The following MGAT4C variants were observed in gnomAD, a reference collection of about 807,000 sequenced individuals.
MGAT4C encodes alpha-1,3-mannosyl-glycoprotein 4-beta-N-acetylglucosaminyltransferase C.
MGAT4C carries 19 observed loss-of-function variants against 40.1 expected under a neutral mutation model. The observed-to-expected ratio is 0.47, with a 90% CI of 0.33 to 0.70. The LOEUF (loss-of-function observed/expected upper bound fraction) is 0.70, where lower values mean the gene tolerates loss of function less well. Ranked by LOEUF, MGAT4C falls within the 30% of genes least tolerant of loss-of-function variation. MGAT4C has a pLI of 0.02. For missense variants in MGAT4C, 491 were observed against 563.2 expected (o/e 0.87, Z 1.30); for synonymous variants, 181 against 187.1 (o/e 0.97, Z 0.27).
At chr12:86,249,981 T>C (rs187207064) in intron 1 of MGAT4C, among the ~76,000 whole-genome samples, 9 of 152,236 alleles carry the variant, frequency 5.9e-5, no homozygotes, top group African/African-American at 2.2e-4. Flanking sequence ...TTTGTGTTGG[T>C]CACTAGACCA....
chr12:86,803,162 G>A (rs1178767542), intron 1 of MGAT4C, among the ~76,000 whole-genome samples: 2 of 149,820 alleles, frequency 1.3e-5, no homozygotes, highest in Non-Finnish European at 3.0e-5. Context: ...CAAGCAATGG[G>A]GAAAGGATTC....
At chr12:86,566,654 G>T (rs1960136407) in intron 2 of MGAT4C, among the ~76,000 whole-genome samples, 2 of 127,976 alleles carry the variant, frequency 1.6e-5, no homozygotes, top group Non-Finnish European at 1.6e-5. Context: ...AATGTATATA[G>T]GTATGTATAT....
intron 2 of MGAT4C, among the ~76,000 whole-genome samples, chr12:86,021,365 T>G (rs1189116737): frequency 6.6e-6 from 1 of 151,780 alleles, no homozygotes; most frequent in Non-Finnish European, 1.5e-5. Flanking sequence ...TAGACTGGAT[T>G]AAGAAAATGT....
chr12:86,586,793 G>C (rs1961064190), intron 2 of MGAT4C, among the ~76,000 whole-genome samples: 1 of 151,872 alleles, frequency 6.6e-6, no homozygotes, highest in South Asian at 2.1e-4. Context: ...CTTTTTGATG[G>C]GGTTGTTTGT....
chr12:86,695,857 T>G (rs1950247901), intron 2 of MGAT4C, among the ~76,000 whole-genome samples: 1 of 152,106 alleles, frequency 6.6e-6, no homozygotes, highest in Admixed American at 6.6e-5. Flanking sequence ...AAATCTAGTA[T>G]TTGATAGCAC....
chr12:86,689,019 T>C (rs1291629341), intron 2 of MGAT4C, among the ~76,000 whole-genome samples: 1 of 152,216 alleles, frequency 6.6e-6, no homozygotes. Flanking sequence ...CATAGTTCCA[T>C]ACTTTTTGGA....
At chr12:86,714,685 T>C (rs1017212014) in intron 2 of MGAT4C, among the ~76,000 whole-genome samples, 1 of 151,902 alleles carries the variant, frequency 6.6e-6, no homozygotes, top group Admixed American at 6.6e-5. Flanking sequence ...TCTTTTTCTT[T>C]ATAAATTACC....
Position 86,034,080 on chromosome 12 carries a change from G to A in MGAT4C, c.-7+15594C>T, listed in dbSNP as rs375995798. ...TTACTGATTTGCATATGTTGAACCA[G>A]CCTTGCATCCCAGGGACGAATCCTG... is the stretch of plus-strand genomic sequence containing the variant. On this transcript the variant is annotated intron_variant, in intron 2 of 4. Transcript: ENST00000611864. Among the ~76,000 whole-genome samples, 7 of 149,716 alleles carry A rather than the reference G, an allele frequency of 4.7e-5. 1 individual carries two copies. The South Asian group carries it at 1.5e-3, about 31-fold the overall frequency.
chr12:86,513,813 GT>G (rs1958635498), intron 2 of MGAT4C, among the ~76,000 whole-genome samples: 1 of 152,112 alleles, frequency 6.6e-6, no homozygotes, highest in African/African-American at 2.4e-5. Context: ...TGTAAGAAAA[GT>G]GAGTTATATG....
chr12:86,186,347 C>T (rs1285817094), intron 1 of MGAT4C, among the ~76,000 whole-genome samples: 2 of 152,156 alleles, frequency 1.3e-5, no homozygotes, highest in Non-Finnish European at 2.9e-5. Context: ...CAATTAATAA[C>T]TGACATGCTG....
intron 3 of MGAT4C, among the ~76,000 whole-genome samples, chr12:86,416,495 C>A (rs1956718541): frequency 6.6e-6 from 1 of 152,008 alleles, no homozygotes; most frequent in African/African-American, 2.4e-5. Context: ...TGAGGATTGA[C>A]ACTACACCTG....
chr12:86,164,934 T>A (rs751359512), intron 1 of MGAT4C, among the ~76,000 whole-genome samples: 43 of 152,294 alleles, frequency 2.8e-4, no homozygotes, highest in Middle Eastern at 3.4e-3. Context: ...AATGTTGACA[T>A]TGAACTAAAA....
intron 1 of MGAT4C, among the ~76,000 whole-genome samples, chr12:86,226,223 C>G (rs1321624204): frequency 6.6e-6 from 1 of 151,664 alleles, no homozygotes; most frequent in Non-Finnish European, 1.5e-5. Context: ...CACAGGGAAG[C>G]CTTCTTGGAA....
chr12:86,127,862 G>A (rs530562702), intron 1 of MGAT4C, among the ~76,000 whole-genome samples: 1 of 152,192 alleles, frequency 6.6e-6, no homozygotes, highest in East Asian at 1.9e-4. Context: ...TCTCCTATGG[G>A]AACAATTCCT....
intron 1 of MGAT4C, among the ~76,000 whole-genome samples, chr12:86,240,908 A>C (rs188578275): frequency 6.6e-6 from 1 of 152,044 alleles, no homozygotes; most frequent in Admixed American, 6.6e-5. Flanking sequence ...GCATTTAGTT[A>C]TTTCTTTTGA....
At chr12:86,110,268 C>CTATATATA (rs368895751) in intron 1 of MGAT4C, among the ~76,000 whole-genome samples, 2 of 22,308 alleles carry the variant, frequency 9.0e-5, no homozygotes, top group African/African-American at 1.8e-4. Context: ...TATATATAGA[C>CTATATATA]TATATATATA....
chr12:86,494,173 A>G (rs957520657), intron 2 of MGAT4C, among the ~76,000 whole-genome samples: 1 of 152,014 alleles, frequency 6.6e-6, no homozygotes, highest in African/African-American at 2.4e-5. Flanking sequence ...ATATTCTTTC[A>G]GAAAGCTTGC....
At chr12:86,660,218 A>G (rs935827574) in intron 2 of MGAT4C, among the ~76,000 whole-genome samples, 9 of 152,264 alleles carry the variant, frequency 5.9e-5, no homozygotes, top group Middle Eastern at 3.4e-3. Context: ...AGAGCCATTA[A>G]CAAAGTAGAT....
intron 3 of MGAT4C, among the ~76,000 whole-genome samples, chr12:86,359,143 C>T (rs1186628444): frequency 6.6e-6 from 1 of 152,150 alleles, no homozygotes; most frequent in Non-Finnish European, 1.5e-5. Context: ...GACCACAGTG[C>T]AATCGAACTA....
Sources: allele counts gnomAD v4.1 joint callset (sites outside exome capture counted in the v4.1 genomes callset), GRCh38; gene constraint gnomAD v4.1.1; transcripts MANE v1.5; gene names NCBI Gene and HGNC (gene_info 2026-07-23, HGNC 2026-07-21).